The following RALYL variants were observed in gnomAD, a reference collection of about 807,000 sequenced individuals.
The protein encoded by RALYL is RNA-binding Raly-like protein.
Under a neutral mutation model 35.1 loss-of-function variants are expected in RALYL, and 29 were observed. The observed-to-expected ratio is 0.83, with a 90% confidence interval of 0.61 to 1.13. The LOEUF (loss-of-function observed/expected upper bound fraction) is 1.13, where lower values mean the gene tolerates loss of function less well. RALYL is among the 50% of genes most tolerant of loss of function. RALYL has a pLI of 0.00. For missense variants in RALYL, 359 were observed against 360.4 expected, an observed-to-expected ratio of 1.00 and a Z score of 0.03; for synonymous variants, 120 against 127.6, an observed-to-expected ratio of 0.94 and a Z score of 0.40.
At chr8:84,874,657 T>G (rs1191816371) in intron 7 of RALYL, among the ~76,000 whole-genome samples, 1 of 152,170 alleles carries the variant, frequency 6.6e-6, no homozygotes, top group African/African-American at 2.4e-5. Flanking sequence ...CATACAGGGC[T>G]CAAGAATGAA....
At chr8:84,732,213 C>T (rs1010784458) in intron 2 of RALYL, among the ~76,000 whole-genome samples, 14 of 152,148 alleles carry the variant, frequency 9.2e-5, no homozygotes, top group Admixed American at 3.3e-4. Context: ...GAAGATATCA[C>T]GATTTTTTTG....
chr8:84,717,501 A>G (rs1302785870), intron 2 of RALYL, among the ~76,000 whole-genome samples: 2 of 152,138 alleles, frequency 1.3e-5, no homozygotes, highest in South Asian at 2.1e-4. Context: ...ATGAATATTA[A>G]AGGATAATGT....
chr8:84,335,256 T>G (rs1847562242), intron 1 of RALYL, among the ~76,000 whole-genome samples: 1 of 152,154 alleles, frequency 6.6e-6, no homozygotes, highest in African/African-American at 2.4e-5. Context: ...CGACATATTC[T>G]CAGCTTCTGA....
chr8:84,512,954 G>T (rs557730132), intron 1 of RALYL, among the ~76,000 whole-genome samples: 11 of 152,206 alleles, frequency 7.2e-5, no homozygotes, highest in African/African-American at 2.4e-4. Flanking sequence ...TCGAAGTCAG[G>T]TCTGTGATGT....
intron 2 of RALYL, among the ~76,000 whole-genome samples, chr8:84,766,570 TAAA>T (rs1554577678): frequency 7.3e-6 from 1 of 137,494 alleles, no homozygotes; most frequent in African/African-American, 2.7e-5. Flanking sequence ...AATAAATAAA[TAAA>T]ATTAGCCAGG....
chr8:84,869,750 CTTT>C (rs1189130743), intron 6 of RALYL, among the ~76,000 whole-genome samples: 1 of 152,118 alleles, frequency 6.6e-6, no homozygotes, highest in Non-Finnish European at 1.5e-5. Flanking sequence ...GCTGAAACTT[CTTT>C]ATTTACCCTG....
chr8:84,288,348 CAT>C (rs1838076166), intron 1 of RALYL, among the ~76,000 whole-genome samples: 1 of 152,148 alleles, frequency 6.6e-6, no homozygotes, highest in Non-Finnish European at 1.5e-5. Flanking sequence ...TTAATCCTAT[CAT>C]ATGCAAATCA....
At chr8:84,575,586 G>A (rs1051919461) in intron 2 of RALYL, among the ~76,000 whole-genome samples, 6 of 152,170 alleles carry the variant, frequency 3.9e-5, no homozygotes, top group African/African-American at 1.4e-4. Context: ...ACACAGCAAA[G>A]GCTCATTCTT....
At position 84,529,366 on chromosome 8, in the gene RALYL, C is replaced by T. The variant is rs954988498; in HGVS notation, c.45C>T (p.Asp15=). The change falls in exon 2 of 9, where the codon GAC becomes GAT. Residue 15 remains aspartate (D), a synonymous_variant. Coordinates refer to ENST00000521268, the MANE Select transcript of RALYL (RefSeq NM_173848.7). ...TQTSNVTNKN[D]PKSINSRVFI... Reference sequence around the variant, plus strand: ...CCAGCAACGTCACCAATAAGAATGACCCCAAGTCCATCAACTCCCGTGTTT... The same window carrying T: ...CCAGCAACGTCACCAATAAGAATGATCCCAAGTCCATCAACTCCCGTGTTT... 4 of 1,601,126 alleles carry T rather than the reference C, an allele frequency of 2.5e-6. No homozygotes were observed. Among genetic ancestry groups the T allele is most frequent in the Non-Finnish European group, 3.4e-6 (4 of 1,172,868 alleles).
At chr8:84,585,640 A>G (rs1156856179) in intron 2 of RALYL, among the ~76,000 whole-genome samples, 8 of 152,222 alleles carry the variant, frequency 5.3e-5, no homozygotes, top group Non-Finnish European at 1.5e-5. Flanking sequence ...CTTAAACAAC[A>G]TAGGCAAAAT....
intron 6 of RALYL, among the ~76,000 whole-genome samples, chr8:84,871,962 C>T (rs1342988482): frequency 6.6e-6 from 1 of 151,958 alleles, no homozygotes; most frequent in Non-Finnish European, 1.5e-5. Flanking sequence ...TCAAAAAAGT[C>T]TGAAGACTAA....
chr8:84,894,483 G>A (rs1029154138), intron 8 of RALYL, among the ~76,000 whole-genome samples: 1 of 152,168 alleles, frequency 6.6e-6, no homozygotes, highest in Non-Finnish European at 1.5e-5. Flanking sequence ...CTGTCCTACT[G>A]AGAATAGATA....
intron 2 of RALYL, among the ~76,000 whole-genome samples, chr8:84,697,051 C>T (rs559915587): frequency 6.6e-6 from 1 of 151,830 alleles, no homozygotes; most frequent in Non-Finnish European, 1.5e-5. Flanking sequence ...TAAATAGGAA[C>T]AGGAAAGGAA....
chr8:84,438,383 C>CTTATTTAT (rs3993393), intron 1 of RALYL, among the ~76,000 whole-genome samples: 2 of 150,260 alleles, frequency 1.3e-5, no homozygotes, highest in East Asian at 2.0e-4. Context: ...GATTATTTTA[C>CTTATTTAT]TTATTTATTT....
chr8:84,564,676 C>A (rs973507174), intron 2 of RALYL, among the ~76,000 whole-genome samples: 2 of 151,600 alleles, frequency 1.3e-5, no homozygotes, highest in African/African-American at 4.8e-5. Flanking sequence ...AGTGATTTTA[C>A]AGACATAAAG....
At chr8:84,574,245 G>C (rs1035241459) in intron 2 of RALYL, among the ~76,000 whole-genome samples, 1 of 151,912 alleles carries the variant, frequency 6.6e-6, no homozygotes, top group African/African-American at 2.4e-5. Flanking sequence ...TTCCTTGGTT[G>C]TTCAAAAAAG....
chr8:84,292,575 C>A (rs1838970270), intron 1 of RALYL, among the ~76,000 whole-genome samples: 1 of 152,102 alleles, frequency 6.6e-6, no homozygotes, highest in Admixed American at 6.6e-5. Flanking sequence ...GTCATAAAGA[C>A]CTTGCTGGAT....
At chr8:84,353,893 A>T (rs751149941) in intron 1 of RALYL, among the ~76,000 whole-genome samples, 1 of 150,016 alleles carries the variant, frequency 6.7e-6, no homozygotes, top group Non-Finnish European at 1.5e-5. Flanking sequence ...ATATAACAAA[A>T]GGATCATTTT....
chr8:84,637,475 G>C (rs911115786), intron 2 of RALYL, among the ~76,000 whole-genome samples: 2 of 151,856 alleles, frequency 1.3e-5, no homozygotes, highest in Non-Finnish European at 2.9e-5. Context: ...ACCACTGGCT[G>C]CTTGCAGAAT....
Sources: allele counts gnomAD v4.1 joint callset (sites outside exome capture counted in the v4.1 genomes callset), GRCh38; gene constraint gnomAD v4.1.1; transcripts MANE v1.5; gene names NCBI Gene and HGNC (gene_info 2026-07-23, HGNC 2026-07-21).